Variants in MRPS27 observed in about 807,000 individuals in gnomAD.
MRPS27 encodes the protein mitochondrial ribosomal protein S27, also known as small ribosomal subunit protein mS27.
A neutral mutation model predicts 48.9 loss-of-function variants in MRPS27; 43 were observed. The ratio of observed to expected loss-of-function variants is 0.88; its 90% CI spans 0.69 to 1.13. MRPS27 has a LOEUF of 1.13. Ranked by LOEUF, MRPS27 falls within the 50% of genes most tolerant of loss-of-function variation. The pLI, the probability that MRPS27 is intolerant of heterozygous loss-of-function variation, is 0.00. For synonymous variants in MRPS27, 188 were observed against 171.9 expected, an observed-to-expected ratio of 1.09 and a Z score of -0.73; for missense variants, 467 against 476.3, an observed-to-expected ratio of 0.98 and a Z score of 0.18.
chr5:72,233,707 C>G (rs903289512), intron 6 of MRPS27, among the ~76,000 whole-genome samples: 1 of 151,404 alleles, frequency 6.6e-6, no homozygotes, highest in Non-Finnish European at 1.5e-5. Context: ...CACAAACAAA[C>G]AAGCCAGTAA....
intron 4 of MRPS27, among the ~76,000 whole-genome samples, chr5:72,281,583 C>T (rs911062360): frequency 6.6e-6 from 1 of 152,068 alleles, no homozygotes; most frequent in African/African-American, 2.4e-5. Context: ...TTGGGACAGG[C>T]CTTAAAACAC....
intron 6 of MRPS27, 25 bp from the exon 7 acceptor site, chr5:72,232,583 G>C (rs1216938883): frequency 6.6e-7 from 1 of 1,509,356 alleles, no homozygotes; most frequent in Admixed American, 1.7e-5. Flanking sequence ...AAGTAAAAAA[G>C]AGAGGAAATT....
chr5:72,317,040 A>AG (rs1290991970), intron 1 of MRPS27, among the ~76,000 whole-genome samples: 4 of 151,990 alleles, frequency 2.6e-5, no homozygotes, highest in Admixed American at 1.3e-4. Context: ...AAAAAAAAAA[A>AG]AAAACAAACA....
intron 7 of MRPS27, among the ~76,000 whole-genome samples, chr5:72,231,735 T>C (rs755916020): frequency 6.6e-6 from 1 of 152,146 alleles, no homozygotes; most frequent in Non-Finnish European, 1.5e-5. Context: ...GGATTTTTGA[T>C]GTTTACAATT....
intron 4 of MRPS27, among the ~76,000 whole-genome samples, chr5:72,248,108 CTATAA>C (rs1748554775): frequency 6.6e-6 from 1 of 152,188 alleles, no homozygotes; most frequent in South Asian, 2.1e-4. Flanking sequence ...CTCAGTATGA[CTATAA>C]TACATTTAAT....
chr5:72,230,497 T>C (rs1748031660), intron 7 of MRPS27, among the ~76,000 whole-genome samples: 1 of 152,220 alleles, frequency 6.6e-6, no homozygotes, highest in Admixed American at 6.5e-5. Context: ...ACTTTTTTTA[T>C]TCCTCATCTT....
rs576298729 is a variant in MRPS27, at chr5:72,307,368, GAA to G, written c.151+6711_151+6712del. Among the ~76,000 whole-genome samples, 217 of 152,092 alleles carry G rather than the reference GAA, an allele frequency of 1.4e-3. 1 individual carries two copies. Among genetic ancestry groups the G allele is most frequent in the African/African-American group, 5.1e-3 (213 of 41,468 alleles). On this transcript the variant is annotated intron_variant, in intron 2 of 10. Transcript: ENST00000261413. ...GCTCTAAGAAAATAAAATAAAATAA[GAA>G]AGAGAGTATCAGGGATATCTGAACA...
intron 4 of MRPS27, among the ~76,000 whole-genome samples, chr5:72,256,427 T>C (rs1035928142): frequency 1.3e-5 from 2 of 152,250 alleles, no homozygotes; most frequent in South Asian, 2.1e-4. Context: ...AGACATCCTA[T>C]GATTGAATAT....
intron 4 of MRPS27, among the ~76,000 whole-genome samples, chr5:72,250,100 A>G (rs1748625238): frequency 6.6e-6 from 1 of 152,264 alleles, no homozygotes; most frequent in Admixed American, 6.5e-5. Flanking sequence ...CATGTATATA[A>G]CACTGATTAT....
intron 4 of MRPS27, among the ~76,000 whole-genome samples, chr5:72,244,087 G>A (rs894268591): frequency 2.0e-5 from 3 of 151,742 alleles, no homozygotes; most frequent in African/African-American, 7.3e-5. Context: ...TGTATATTCT[G>A]TCAATTTCCC....
intron 1 of MRPS27, 189 bp from the exon 2 acceptor site, chr5:72,314,347 CAAGTG>C (rs1750515166): frequency 2.3e-5 from 10 of 430,538 alleles, no homozygotes; most frequent in Admixed American, 3.6e-5. Flanking sequence ...CAACCCCTAA[CAAGTG>C]AAGATGCAGA....
intron 4 of MRPS27, among the ~76,000 whole-genome samples, chr5:72,242,102 A>G (rs1212871071): frequency 6.6e-6 from 1 of 152,214 alleles, no homozygotes; most frequent in Non-Finnish European, 1.5e-5. Flanking sequence ...TTCTAGCTCT[A>G]GTTCTAAAAG....
rs772475368 is a variant in MRPS27, at chr5:72,238,032, T to C, written c.378A>G (p.Leu126=). 65 of 1,612,512 alleles carry C rather than the reference T, an allele frequency of 4.0e-5. No individual in the cohort carries two copies. The highest frequency in any genetic ancestry group is 7.7e-5 in the South Asian group (7 of 91,046). Residue 126 remains leucine (L), a synonymous_variant, in exon 5 of 11, where the codon CTA becomes CTG. Coordinates refer to ENST00000261413, the MANE Select transcript of MRPS27 (RefSeq NM_015084.3). The stretch of plus-strand genomic sequence containing the variant: ...AACTCACCTTATTTACAAGGGTATA[T>C]AGGGCTTTGTCTTGTGCATCATATT... ...CLKYDAQDKA[L]YTLVNKVQYG...
intron 1 of MRPS27, among the ~76,000 whole-genome samples, chr5:72,319,537 C>CTTTTTTTTTTTTT (rs35020848): frequency 1.2e-5 from 1 of 84,204 alleles, no homozygotes; most frequent in Non-Finnish European, 2.2e-5. Flanking sequence ...TAGGTTTTTC[C>CTTTTTTTTTTTTT]TTTTTTTTTT....
chr5:72,277,401 G>T (rs887585663), intron 4 of MRPS27, among the ~76,000 whole-genome samples: 8 of 151,906 alleles, frequency 5.3e-5, no homozygotes, highest in African/African-American at 1.9e-4. Flanking sequence ...CTATTATAAA[G>T]ATACACATCC....
chr5:72,256,756 T>C (rs1027250116), intron 4 of MRPS27, among the ~76,000 whole-genome samples: 1 of 152,172 alleles, frequency 6.6e-6, no homozygotes, highest in Non-Finnish European at 1.5e-5. Flanking sequence ...AAACAATAGG[T>C]CTGTTATTTT....
At chr5:72,284,270 C>T (rs909145414) in intron 4 of MRPS27, among the ~76,000 whole-genome samples, 2 of 148,618 alleles carry the variant, frequency 1.3e-5, no homozygotes, top group African/African-American at 2.5e-5. Flanking sequence ...AAAAACACCA[C>T]CAAAAAGGCC....
intron 5 of MRPS27, among the ~76,000 whole-genome samples, chr5:72,236,570 T>TC (rs984107418): frequency 6.6e-6 from 1 of 152,126 alleles, no homozygotes. Flanking sequence ...TTTAATCCAT[T>TC]CCTTCCTCTG....
chr5:72,320,082 A>G, intron 1 of MRPS27, 67 bp downstream of exon 1: 2 of 1,534,382 alleles, frequency 1.3e-6, no homozygotes, highest in Non-Finnish European at 1.8e-6. Context: ...TCTCCTCTTG[A>G]AAGCCCACCG....
Sources: gnomAD v4.1 joint callset for allele counts (sites outside exome capture counted in the v4.1 genomes callset) on GRCh38, gnomAD v4.1.1 for gene constraint, MANE v1.5 for transcripts, NCBI Gene and HGNC (gene_info 2026-07-23, HGNC 2026-07-21) for gene names.